Variants in ARMC9 observed in about 807,000 individuals in gnomAD.
ARMC9 encodes the protein armadillo repeat containing 9.
In ARMC9, 94 loss-of-function variants were observed where a neutral mutation model predicts 107.0. The observed-to-expected ratio is 0.88, with a 90% CI of 0.74 to 1.04. ARMC9 has a LOEUF of 1.04. Ranked by LOEUF, ARMC9 falls within the 50% of genes least tolerant of loss-of-function variation. ARMC9 has a pLI of 0.00. For missense variants in ARMC9, 942 were observed against 1,030.1 expected (o/e 0.91, Z 1.17); for synonymous variants, 380 against 396.9 (o/e 0.96, Z 0.51).
intron 12 of ARMC9, among the ~76,000 whole-genome samples, chr2:231,265,713 AAAG>A (rs1410227795): frequency 2.6e-5 from 4 of 152,034 alleles, no homozygotes; most frequent in Admixed American, 6.5e-5. Flanking sequence ...TAAAAAAAAA[AAAG>A]AAGAAATAGG....
At chr2:231,364,267 G>A (rs889288722) in intron 23 of ARMC9, among the ~76,000 whole-genome samples, 2 of 152,236 alleles carry the variant, frequency 1.3e-5, no homozygotes, top group Admixed American at 6.5e-5. Context: ...TCACCTCCAC[G>A]TGGCCTGAGG....
intron 21 of ARMC9, 60 bp from the exon 22 acceptor site, chr2:231,355,738 T>G: frequency 6.7e-7 from 1 of 1,485,070 alleles, no homozygotes; most frequent in Admixed American, 2.1e-5. Context: ...CAGTCGGCAG[T>G]CGGCAGTCCG....
At position 231,256,215 on chromosome 2, in the gene ARMC9, G is replaced by A. The variant is rs1225926858; in HGVS notation, c.880-371G>A. On this transcript the variant is annotated intron_variant, in intron 9 of 24. Transcript: ENST00000611582. ...GTGGAATTCATGGACGACACGAGCC[G>A]ATCCATCATCCGCAATGTAAAAGGC... 2.6e-6 allele frequency: 4 copies of A among 1,533,272 alleles called. No individual in the cohort carries two copies. The East Asian group carries it at 7.3e-5, about 28-fold the overall frequency. 95.0% of individuals were successfully genotyped at this position (1,533,272 alleles called of 1,614,324 possible). A position where few individuals can be genotyped will look rare whatever the true frequency, so the allele number is the denominator to read the frequency against.
intron 6 of ARMC9, among the ~76,000 whole-genome samples, chr2:231,224,300 T>C (rs2034441314): frequency 6.6e-6 from 1 of 152,130 alleles, no homozygotes; most frequent in Non-Finnish European, 1.5e-5. Flanking sequence ...TACAAAAAGT[T>C]AGCTGAGCAT....
intron 19 of ARMC9, among the ~76,000 whole-genome samples, chr2:231,325,035 G>C (rs1357712021): frequency 6.6e-6 from 1 of 152,072 alleles, no homozygotes; most frequent in Non-Finnish European, 1.5e-5. Context: ...ACCAGCCTGG[G>C]CAACATGGAA....
intron 12 of ARMC9, chr2:231,270,534 T>C: frequency 2.3e-6 from 1 of 443,860 alleles, no homozygotes; most frequent in Non-Finnish European, 4.7e-6. Context: ...CATGCTGCAG[T>C]CCCACTTCCA....
intron 12 of ARMC9, among the ~76,000 whole-genome samples, chr2:231,263,594 T>C (rs539892464): frequency 1.3e-5 from 2 of 152,214 alleles, no homozygotes; most frequent in Non-Finnish European, 2.9e-5. Context: ...AATGTCGATA[T>C]GAGTTTTGGT....
At chr2:231,251,509 A>G (rs1457428230) in intron 9 of ARMC9, among the ~76,000 whole-genome samples, 6 of 152,156 alleles carry the variant, frequency 3.9e-5, no homozygotes, top group Non-Finnish European at 7.4e-5. Flanking sequence ...CCTGTGAGGT[A>G]GGTACTGCTG....
chr2:231,326,206 G>T (rs1051709916), intron 19 of ARMC9, among the ~76,000 whole-genome samples: 2 of 152,222 alleles, frequency 1.3e-5, no homozygotes, highest in African/African-American at 4.8e-5. Flanking sequence ...CAAGCTTAAA[G>T]TCCAGATTCC....
At chr2:231,269,078 A>G (rs2039089268) in intron 12 of ARMC9, among the ~76,000 whole-genome samples, 1 of 152,174 alleles carries the variant, frequency 6.6e-6, no homozygotes, top group African/African-American at 2.4e-5. Flanking sequence ...AAATTTAAAA[A>G]AAGAAATCCA....
At chr2:231,279,753 A>G (rs2040062136) in intron 16 of ARMC9, among the ~76,000 whole-genome samples, 1 of 151,174 alleles carries the variant, frequency 6.6e-6, no homozygotes, top group Non-Finnish European at 1.5e-5. Context: ...CTTGTGATTC[A>G]CCCACCTCGG....
At chr2:231,206,173 G>A in intron 1 of ARMC9, 25 bp from the exon 2 acceptor site, 1 of 1,397,002 alleles carries the variant, frequency 7.2e-7, no homozygotes, top group Non-Finnish European at 1.0e-6. Flanking sequence ...AATGAAAGCT[G>A]TTGTCTTGTA....
intron 16 of ARMC9, 128 bp from the exon 17 acceptor site, chr2:231,281,931 G>A: frequency 1.2e-6 from 1 of 820,630 alleles, no homozygotes; most frequent in East Asian, 2.5e-5. Flanking sequence ...CTGGAGCACA[G>A]GAGAGCTGCG....
At position 231,239,967 on chromosome 2, in the gene ARMC9, GTC is replaced by G; in HGVS notation, c.807_808del (p.Val271ProfsTer5). On this transcript the variant is annotated frameshift_variant, in exon 9 of 25. Transcript: ENST00000611582. LOFTEE classifies it high-confidence loss of function. ...KMITPEYLQSVCVRLFSNQMR... is the reference protein window; with the variant it reads ...KMITPEYLQSXCVRLFSNQMR... ...GATCACCCCTGAGTACCTCCAGAGC[GTC>G]TGTGTCCGCCTGTTCAGTAACCAGA... is the stretch of plus-strand genomic sequence containing the variant. 1.2e-6 allele frequency: 2 copies of G among 1,614,068 alleles called. No homozygotes were observed. Among genetic ancestry groups the G allele is most frequent in the Non-Finnish European group, 1.7e-6 (2 of 1,179,996 alleles).
intron 9 of ARMC9, among the ~76,000 whole-genome samples, chr2:231,246,484 C>T (rs2036775805): frequency 6.6e-6 from 1 of 152,144 alleles, no homozygotes; most frequent in Non-Finnish European, 1.5e-5. Context: ...TGTTAATTTG[C>T]TTAGGATGAT....
At chr2:231,337,446 G>A (rs1211647552) in intron 20 of ARMC9, among the ~76,000 whole-genome samples, 3 of 146,386 alleles carry the variant, frequency 2.0e-5, no homozygotes, top group East Asian at 2.0e-4. Flanking sequence ...ACAGGCGCGC[G>A]CCACCACGCC....
In ARMC9 at chr2:231,282,283, T is replaced by A. The variant is rs550496760; in HGVS notation, c.1626+150T>A. 1.5e-4 allele frequency: 116 copies of A among 755,536 alleles called. No homozygotes were observed. In the Middle Eastern group the frequency reaches 2.9e-3, roughly 19 times the overall value. The allele number at this position is 755,536 out of a possible 1,614,324, so 46.8% of individuals were successfully genotyped here. A position where few individuals can be genotyped will look rare whatever the true frequency, so the allele number is the denominator to read the frequency against. ...TGTATGTAAAATGTATATTTGCCAT[T>A]TCCTGGGGAGAGAGTCTGTAGCTTT... On this transcript the variant is annotated intron_variant, in intron 17 of 24. Transcript: ENST00000611582.
intron 9 of ARMC9, among the ~76,000 whole-genome samples, chr2:231,241,574 C>T (rs1170148584): frequency 6.6e-6 from 1 of 152,062 alleles, no homozygotes; most frequent in Non-Finnish European, 1.5e-5. Context: ...AGGGTTTGCA[C>T]ATTAATATAG....
At chr2:231,253,452 G>A (rs1559355776) in intron 9 of ARMC9, among the ~76,000 whole-genome samples, 1 of 152,096 alleles carries the variant, frequency 6.6e-6, no homozygotes, top group Non-Finnish European at 1.5e-5. Flanking sequence ...GGCTGGGCGC[G>A]GTTTGGCTGG....
Sources: allele counts gnomAD v4.1 joint callset (sites outside exome capture counted in the v4.1 genomes callset), GRCh38; gene constraint gnomAD v4.1.1; transcripts MANE v1.5; gene names NCBI Gene and HGNC (gene_info 2026-07-23, HGNC 2026-07-21).